The following GHR variants were observed in gnomAD, a reference collection of about 807,000 sequenced individuals.
GHR encodes the protein growth hormone receptor, also known as GH receptor.
In GHR, 35 loss-of-function variants were observed where a neutral mutation model predicts 67.1. The observed-to-expected ratio is 0.52, with a 90% CI of 0.40 to 0.69. The LOEUF (loss-of-function observed/expected upper bound fraction) is 0.69, where lower values mean the gene tolerates loss of function less well. Among genes scored for constraint, GHR ranks in the 30% least tolerant of loss-of-function variants. GHR has a pLI of 0.00. For synonymous variants in GHR, 272 were observed against 269.1 expected, an observed-to-expected ratio of 1.01 and a Z score of -0.10; for missense variants, 792 against 764.6, an observed-to-expected ratio of 1.04 and a Z score of -0.42.
chr5:42,538,502 G>A (rs1748360925), intron 1 of GHR, among the ~76,000 whole-genome samples: 1 of 152,162 alleles, frequency 6.6e-6, no homozygotes, highest in Non-Finnish European at 1.5e-5. Context: ...GAAGATAGGG[G>A]CCCAATCTTA....
At chr5:42,653,603 A>G (rs1002963317) in intron 3 of GHR, among the ~76,000 whole-genome samples, 1 of 152,174 alleles carries the variant, frequency 6.6e-6, no homozygotes, top group Non-Finnish European at 1.5e-5. Context: ...GTCTGAGCCC[A>G]TAAATAAAGT....
chr5:42,433,043 C>G (rs1342429490), intron 1 of GHR, among the ~76,000 whole-genome samples: 5 of 152,200 alleles, frequency 3.3e-5, no homozygotes, highest in Non-Finnish European at 1.5e-5. Context: ...TGATGTCACT[C>G]AAACTTCATG....
rs1388559160 is a variant in GHR, at chr5:42,711,439, C to A, written c.784+67C>A. 7.5e-6 allele frequency: 8 copies of A among 1,064,486 alleles called. No homozygotes were observed. In the Admixed American group the frequency reaches 1.0e-4, roughly 14 times the overall value. The allele number at this position is 1,064,486 out of a possible 1,614,324, so 65.9% of individuals were successfully genotyped here. ...TTGTCAATATAACAGTTGATTCACCCCTGCACTGGTAGTGTGTTGTCCAAA... is the reference window on the plus strand; with the variant it reads ...TTGTCAATATAACAGTTGATTCACCACTGCACTGGTAGTGTGTTGTCCAAA... On this transcript the variant is annotated intron_variant, in intron 7 of 9. Transcript: ENST00000230882.
chr5:42,682,745 C>A (rs1004499088), intron 3 of GHR, among the ~76,000 whole-genome samples: 1 of 152,198 alleles, frequency 6.6e-6, no homozygotes, highest in Non-Finnish European at 1.5e-5. Flanking sequence ...TTGAGCACTA[C>A]TTTTAAGTTC....
At chr5:42,576,143 T>TAAAATAAAATAAAAA (rs1359047675) in intron 2 of GHR, among the ~76,000 whole-genome samples, 948 of 83,082 alleles carry the variant, frequency 0.011, 14 homozygotes, top group Middle Eastern at 0.041. Flanking sequence ...TAAAATAAAA[T>TAAAATAAAATAAAAA]AGTAAAGTAA....
Position 42,629,049 on chromosome 5 carries a change from A to G in GHR, c.82A>G (p.Ile28Val), listed in dbSNP as rs143287692. The G allele has an allele frequency of 1.6e-4, 219 of 1,400,272 alleles. 50 individuals carry two copies. Among genetic ancestry groups the G allele is most frequent in the Non-Finnish European group, 2.7e-5 (27 of 1,015,912 alleles). The allele number at this position is 1,400,272 out of a possible 1,614,324, so 86.7% of individuals were successfully genotyped here. A position where few individuals can be genotyped will look rare whatever the true frequency, so the allele number is the denominator to read the frequency against. Residue 28 changes from isoleucine (I) to valine (V), a missense_variant, in exon 3 of 10, where the codon ATC becomes GTC. By Grantham distance (29) the Ile-to-Val change is conservative (BLOSUM62 3). Coordinates refer to ENST00000230882, the MANE Select transcript of GHR (RefSeq NM_000163.5). ...AFSGSEATAA[I>V]LSRAPWSLQS... ...TCTTTCTGTTTCAGCCACAGCAGCT[A>G]TCCTTAGCAGAGCACCCTGGAGTCT...
chr5:42,647,599 C>G (rs894840483), intron 3 of GHR: 52 of 401,894 alleles, frequency 1.3e-4, no homozygotes, highest in Non-Finnish European at 2.4e-5. Flanking sequence ...AAGTCAAGGG[C>G]CAAAGTAACA....
intron 1 of GHR, chr5:42,467,300 A>G (rs995915464): frequency 4.5e-6 from 5 of 1,109,186 alleles, no homozygotes; most frequent in Non-Finnish European, 5.5e-6. Context: ...TCACACTCAT[A>G]TGGCTTCTCA....
At chr5:42,579,712 T>C (rs762714506) in intron 2 of GHR, among the ~76,000 whole-genome samples, 7 of 152,196 alleles carry the variant, frequency 4.6e-5, no homozygotes, top group Non-Finnish European at 7.3e-5. Context: ...TGAACATTTA[T>C]TAAAGGAAGC....
At chr5:42,495,897 T>C (rs1218223149) in intron 1 of GHR, among the ~76,000 whole-genome samples, 2 of 152,164 alleles carry the variant, frequency 1.3e-5, no homozygotes, top group African/African-American at 4.8e-5. Context: ...GTCAAACTTA[T>C]CTATGCATGC....
intron 6 of GHR, among the ~76,000 whole-genome samples, chr5:42,700,427 T>C (rs745651941): frequency 6.6e-6 from 1 of 152,152 alleles, no homozygotes; most frequent in African/African-American, 2.4e-5. Flanking sequence ...TACGTGTCTA[T>C]AGGAAAACAG....
intron 2 of GHR, among the ~76,000 whole-genome samples, chr5:42,578,962 AT>A (rs1347504188): frequency 6.6e-6 from 1 of 152,138 alleles, no homozygotes; most frequent in Non-Finnish European, 1.5e-5. Flanking sequence ...GCAGAAATTC[AT>A]TCCTCAGCAT....
intron 3 of GHR, among the ~76,000 whole-genome samples, chr5:42,641,511 A>T (rs951386082): frequency 6.6e-6 from 1 of 152,140 alleles, no homozygotes; most frequent in Admixed American, 6.5e-5. Context: ...TGTGTGATTC[A>T]TGCTGCTGGT....
At chr5:42,667,264 T>C (rs1400167740) in intron 3 of GHR, among the ~76,000 whole-genome samples, 1 of 152,116 alleles carries the variant, frequency 6.6e-6, no homozygotes, top group East Asian at 1.9e-4. Flanking sequence ...CTCACTGTCA[T>C]CCTCTGAGAG....
At chr5:42,427,444 A>T (rs376048475) in intron 1 of GHR, among the ~76,000 whole-genome samples, 3 of 152,218 alleles carry the variant, frequency 2.0e-5, no homozygotes, top group African/African-American at 7.2e-5. Flanking sequence ...ACAACATGGG[A>T]AAAACCCACT....
At chr5:42,540,830 A>C (rs1478969135) in intron 1 of GHR, among the ~76,000 whole-genome samples, 2 of 152,064 alleles carry the variant, frequency 1.3e-5, no homozygotes, top group East Asian at 3.9e-4. Context: ...ACCCACTCCC[A>C]CAACAACCAA....
chr5:42,642,295 C>T (rs747039510), intron 3 of GHR, among the ~76,000 whole-genome samples: 16 of 152,200 alleles, frequency 1.1e-4, no homozygotes, highest in Non-Finnish European at 8.8e-5. Context: ...TCTTTCTGTC[C>T]TCTTTGAGCC....
At chr5:42,589,957 T>C (rs774595688) in intron 2 of GHR, among the ~76,000 whole-genome samples, 9 of 152,196 alleles carry the variant, frequency 5.9e-5, no homozygotes, top group Non-Finnish European at 8.8e-5. Context: ...TAAATGGCTC[T>C]GGGACCCTAG....
chr5:42,523,982 G>C (rs1747589494), intron 1 of GHR, among the ~76,000 whole-genome samples: 2 of 152,166 alleles, frequency 1.3e-5, no homozygotes, highest in African/African-American at 4.8e-5. Flanking sequence ...GCCTCCCAAG[G>C]CATGTGGAAC....
Sources: gnomAD v4.1 joint callset for allele counts (sites outside exome capture counted in the v4.1 genomes callset) on GRCh38, gnomAD v4.1.1 for gene constraint, MANE v1.5 for transcripts, NCBI Gene and HGNC (gene_info 2026-07-23, HGNC 2026-07-21) for gene names.